The following SGSM1 variants were observed in gnomAD, a reference collection of about 807,000 sequenced individuals.
The protein encoded by SGSM1 is small G protein signaling modulator 1.
Under a neutral mutation model 133.8 loss-of-function variants are expected in SGSM1, and 73 were observed. That is an observed-to-expected ratio of 0.55 (90% CI 0.45 to 0.66). The LOEUF is 0.66. Among genes scored for constraint, SGSM1 ranks in the 30% least tolerant of loss-of-function variants. The pLI, the probability that SGSM1 is intolerant of heterozygous loss-of-function variation, is 0.00. For synonymous variants in SGSM1, 563 were observed against 573.0 expected, an observed-to-expected ratio of 0.98 and a Z score of 0.25; for missense variants, 1,213 against 1,448.1, an observed-to-expected ratio of 0.84 and a Z score of 2.64.
Position 24,847,800 on chromosome 22 carries a change from A to G in SGSM1, c.302+4A>G. On this transcript the variant is annotated splice_donor_region_variant and intron_variant, in intron 4 of 24. Transcript: ENST00000400358. The stretch of plus-strand genomic sequence containing the variant: ...TGGAGCAGCTGATCGAGAGCGCGTG[A>G]GTGCAAAGCATGGGGCACAGGTGGG... 6.2e-7 allele frequency: 1 copy of G among 1,613,220 alleles called. No homozygotes were observed. The highest frequency in any genetic ancestry group is 8.5e-7 in the Non-Finnish European group (1 of 1,179,468).
intron 2 of SGSM1, among the ~76,000 whole-genome samples, chr22:24,829,151 G>C (rs112343534): frequency 2.6e-5 from 4 of 151,882 alleles, no homozygotes; most frequent in Non-Finnish European, 5.9e-5. Flanking sequence ...AGCCGAGATC[G>C]TGCCACTGCA....
At chr22:24,849,746 A>T (rs1424844658) in intron 4 of SGSM1, among the ~76,000 whole-genome samples, 2 of 152,204 alleles carry the variant, frequency 1.3e-5, no homozygotes, top group Non-Finnish European at 2.9e-5. Flanking sequence ...GAGAGGGATC[A>T]GCCTGGGAAT....
chr22:24,919,839 T>C lies in SGSM1; in HGVS notation c.3039T>C (p.Asp1013=), dbSNP rs1426124730. The C allele has an allele frequency of 3.7e-6, 6 of 1,613,954 alleles. No homozygotes were observed. The highest frequency in any genetic ancestry group is 5.1e-6 in the Non-Finnish European group (6 of 1,179,920). Residue 1013 remains aspartate, a synonymous_variant, in exon 24 of 25, where the codon GAT becomes GAC. Transcript: ENST00000400358. ...GTGTCTTGGCAGAACTCGTCTATGA[T>C]GACGTCTTCTTGGTCTGGGAGACCA... ...LLDFKRELVY[D]DVFLVWETIW...
chr22:24,868,432 T>C lies in SGSM1; in HGVS notation c.1051T>C (p.Phe351Leu), dbSNP rs540278212. The change falls in exon 11 of 25, where the codon TTC (phenylalanine) becomes CTC (leucine). Residue 351 changes from phenylalanine to leucine, a missense_variant. By Grantham distance (22) the Phe-to-Leu change is conservative. Coordinates refer to ENST00000400358, the MANE Select transcript of SGSM1 (RefSeq NM_001098497.3). ...CCAGGACGGGATCCAGAGGCCGCCC[T>C]TCCGCTTCCCCAAGGGCGGGCACCT... ...VSQDGIQRPP[F>L]RFPKGGHLLQ... 15 of 1,613,894 alleles carry C rather than the reference T, an allele frequency of 9.3e-6. No individual in the cohort carries two copies. The South Asian group carries it at 1.6e-4, about 18-fold the overall frequency.
intron 2 of SGSM1, among the ~76,000 whole-genome samples, chr22:24,831,042 G>T (rs1253049984): frequency 2.0e-5 from 3 of 152,132 alleles, no homozygotes; most frequent in Admixed American, 6.5e-5. Context: ...GGCTGAATTT[G>T]CAGGCATTGC....
intron 24 of SGSM1, among the ~76,000 whole-genome samples, chr22:24,921,511 G>A (rs574296984): frequency 2.4e-4 from 37 of 152,136 alleles, no homozygotes; most frequent in Non-Finnish European, 4.9e-4. Flanking sequence ...GTGATCGAGA[G>A]TCCAAAGCAA....
chr22:24,909,012 T>C (rs1165522862), intron 21 of SGSM1, among the ~76,000 whole-genome samples: 3 of 152,164 alleles, frequency 2.0e-5, no homozygotes, highest in African/African-American at 4.8e-5. Context: ...TAGTGAGCAT[T>C]ACAGCCTGAG....
chr22:24,886,719 A>T lies in SGSM1; in HGVS notation c.1761A>T (p.Glu587Asp). 1 of 1,585,644 alleles carries T rather than the reference A, an allele frequency of 6.3e-7. No individual in the cohort carries two copies. Among genetic ancestry groups the T allele is most frequent in the South Asian group, 1.2e-5 (1 of 86,404 alleles). The change falls in exon 16 of 25, where the codon GAA becomes GAT. Residue 587 changes from glutamate (E) to aspartate (D), a missense_variant. By Grantham distance (45) the Glu-to-Asp change is conservative (BLOSUM62 2). Transcript: ENST00000400358. The part of the protein sequence containing the change: ...GHYQFGMTET[E>D]RKEVDEQIHA... ...ACCAGTTCGGGATGACGGAAACAGA[A>T]AGGAAAGAGGTCGGTTACCTGCCAT...
chr22:24,813,619 A>G (rs1279780304), intron 2 of SGSM1: 1 of 152,152 alleles, frequency 6.6e-6, no homozygotes, highest in Admixed American at 6.6e-5. Flanking sequence ...AAGAGGGCAG[A>G]AACGCTCCTC....
At chr22:24,818,040 T>C (rs1159749022) in intron 2 of SGSM1, among the ~76,000 whole-genome samples, 2 of 151,956 alleles carry the variant, frequency 1.3e-5, no homozygotes, top group African/African-American at 4.8e-5. Context: ...GATACCAGCC[T>C]GGCCAACATG....
intron 2 of SGSM1, 116 bp downstream of exon 2, chr22:24,806,600 T>TG (rs1927403820): frequency 1.6e-6 from 2 of 1,268,624 alleles, no homozygotes; most frequent in Non-Finnish European, 2.1e-6. Flanking sequence ...AGAACAGGTG[T>TG]GGGGCTCACC....
At chr22:24,868,693 A>C in intron 11 of SGSM1, 30 bp from the exon 12 acceptor site, 1 of 1,613,156 alleles carries the variant, frequency 6.2e-7, no homozygotes, top group South Asian at 1.1e-5. Flanking sequence ...ATGTGTCCCA[A>C]GGACCTTGTT....
intron 2 of SGSM1, 152 bp from the exon 3 acceptor site, chr22:24,844,745 A>G: frequency 1.7e-6 from 1 of 598,378 alleles, no homozygotes. Flanking sequence ...TCCAAAAGAC[A>G]AGGCGAGGAG....
chr22:24,880,145 T>A (rs1201189847), intron 14 of SGSM1, among the ~76,000 whole-genome samples: 6 of 152,002 alleles, frequency 3.9e-5, no homozygotes, highest in Non-Finnish European at 7.4e-5. Flanking sequence ...TGCTGTCTTT[T>A]TTTTTTTGAG....
intron 2 of SGSM1, among the ~76,000 whole-genome samples, chr22:24,811,004 A>G (rs1157775318): frequency 6.6e-6 from 1 of 152,236 alleles, no homozygotes; most frequent in African/African-American, 2.4e-5. Flanking sequence ...GTTGCCAGAT[A>G]ACATCCAGGT....
chr22:24,890,059 C>A (rs2123686269), intron 16 of SGSM1, among the ~76,000 whole-genome samples: 1 of 151,646 alleles, frequency 6.6e-6, no homozygotes, highest in Non-Finnish European at 1.5e-5. Context: ...TGGGTTCACG[C>A]CATTCTTCTG....
At chr22:24,885,708 C>A (rs1932558729) in intron 15 of SGSM1, among the ~76,000 whole-genome samples, 1 of 152,222 alleles carries the variant, frequency 6.6e-6, no homozygotes, top group Non-Finnish European at 1.5e-5. Context: ...AGGCGTGAGC[C>A]ACTACGCCCA....
intron 2 of SGSM1, among the ~76,000 whole-genome samples, chr22:24,841,034 T>A (rs566536921): frequency 6.6e-6 from 1 of 152,058 alleles, no homozygotes; most frequent in East Asian, 1.9e-4. Flanking sequence ...GTATTTTTAG[T>A]AGAGACGGGG....
At chr22:24,898,707 C>G (rs535310448) in intron 19 of SGSM1, 148 bp downstream of exon 19, 9 of 772,304 alleles carry the variant, frequency 1.2e-5, no homozygotes, top group Non-Finnish European at 1.8e-5. Context: ...CTGTAGAAAC[C>G]CATTTGGGAG....
Sources: gnomAD v4.1 joint callset for allele counts (sites outside exome capture counted in the v4.1 genomes callset) on GRCh38, gnomAD v4.1.1 for gene constraint, MANE v1.5 for transcripts, NCBI Gene and HGNC (gene_info 2026-07-23, HGNC 2026-07-21) for gene names.